The following GULP1 variants were observed in gnomAD, a reference collection of about 807,000 sequenced individuals.
GULP1 encodes the protein PTB domain-containing engulfment adapter protein 1.
GULP1 carries 19 observed loss-of-function variants against 40.9 expected under a neutral mutation model. The ratio of observed to expected loss-of-function variants is 0.46; its 90% CI spans 0.32 to 0.68. The LOEUF is 0.68. Ranked by LOEUF, GULP1 falls within the 30% of genes least tolerant of loss-of-function variation. The pLI, the probability that GULP1 is intolerant of heterozygous loss-of-function variation, is 0.03. For missense variants in GULP1, 312 were observed against 362.2 expected, an observed-to-expected ratio of 0.86 and a Z score of 1.12; for synonymous variants, 119 against 117.6, an observed-to-expected ratio of 1.01 and a Z score of -0.08.
intron 2 of GULP1, among the ~76,000 whole-genome samples, chr2:188,410,157 A>C (rs2053673880): frequency 6.6e-6 from 1 of 152,194 alleles, no homozygotes; most frequent in East Asian, 1.9e-4. Context: ...GAAGAATGAA[A>C]TTAGACTGTC....
At chr2:188,526,342 C>T (rs1355992680) in intron 5 of GULP1, among the ~76,000 whole-genome samples, 1 of 151,934 alleles carries the variant, frequency 6.6e-6, no homozygotes, top group South Asian at 2.1e-4. Context: ...AATGGCAGAT[C>T]ACTGTATCCA....
At chr2:188,542,385 T>G (rs1690749056) in intron 7 of GULP1, among the ~76,000 whole-genome samples, 1 of 152,218 alleles carries the variant, frequency 6.6e-6, no homozygotes, top group Non-Finnish European at 1.5e-5. Flanking sequence ...GTTTCAGTAT[T>G]GAGCTTCTTG....
chr2:188,591,723 TATC>T (rs1362136374), intron 11 of GULP1: 12 of 151,694 alleles, frequency 7.9e-5, no homozygotes, highest in South Asian at 2.1e-4. Context: ...ATATTCATAT[TATC>T]ATTAAAATCA....
chr2:188,469,468 G>A (rs537189457), intron 2 of GULP1, among the ~76,000 whole-genome samples: 52 of 152,256 alleles, frequency 3.4e-4, no homozygotes, highest in African/African-American at 8.7e-4. Context: ...ACTGGCTCAC[G>A]GTTCTGCAGG....
chr2:188,398,076 CAT>C (rs59547666), intron 2 of GULP1, among the ~76,000 whole-genome samples: 3,592 of 152,262 alleles, frequency 0.024, 153 homozygotes, highest in African/African-American at 0.082. Context: ...AGTCCAAAGA[CAT>C]GTGTATTTAA....
chr2:188,567,497 A>G (rs1323647862), intron 7 of GULP1, among the ~76,000 whole-genome samples: 1 of 152,218 alleles, frequency 6.6e-6, no homozygotes, highest in African/African-American at 2.4e-5. Flanking sequence ...AGGGACATGG[A>G]TGAAGCTGGA....
Position 188,544,856 on chromosome 2 carries a change from A to G in GULP1, c.399+3538A>G, listed in dbSNP as rs574184841. 2.6e-5 allele frequency among the ~76,000 whole-genome samples: 4 copies of G among 152,164 alleles called. No homozygotes were observed. In the South Asian group the frequency reaches 8.3e-4, roughly 32 times the overall value. Reference sequence around the variant, plus strand: ...AGTTGAAAACTTTCCCGATTTGACAAAGGACATCAACCTATAGATCTAAAA... The same window carrying G: ...AGTTGAAAACTTTCCCGATTTGACAGAGGACATCAACCTATAGATCTAAAA... On this transcript the variant is annotated intron_variant, in intron 7 of 11. Coordinates refer to ENST00000409830, the MANE Select transcript of GULP1 (RefSeq NM_016315.4).
rs373275667 is a variant in GULP1 at position 188,328,815 on chromosome 2, A to T, written c.-172+36649A>T. On this transcript the variant is annotated intron_variant, in intron 1 of 11. Coordinates refer to ENST00000409830, the MANE Select transcript of GULP1 (RefSeq NM_016315.4). ...GATGGAGTGTCCTATGAGAGGCCTT[A>T]CTTGGTTTATTCATGATGAATATGA... 2.2e-4 allele frequency among the ~76,000 whole-genome samples: 33 copies of T among 152,238 alleles called. 1 individual carries two copies. Among genetic ancestry groups the T allele is most frequent in the African/African-American group, 7.9e-4 (33 of 41,566 alleles).
intron 1 of GULP1, among the ~76,000 whole-genome samples, chr2:188,356,829 C>G (rs1051583828): frequency 1.3e-5 from 2 of 151,954 alleles, no homozygotes; most frequent in Non-Finnish European, 2.9e-5. Flanking sequence ...TGCTGGTAAG[C>G]CAAACAGCAT....
chr2:188,541,430 C>CA, intron 7 of GULP1, 112 bp downstream of exon 7: 1 of 925,754 alleles, frequency 1.1e-6, no homozygotes. Context: ...GTAAATTATT[C>CA]TGTAAAAAGT....
intron 1 of GULP1, among the ~76,000 whole-genome samples, chr2:188,382,688 C>T (rs2049148524): frequency 6.6e-6 from 1 of 152,126 alleles, no homozygotes; most frequent in Non-Finnish European, 1.5e-5. Context: ...GGGTTCGAGA[C>T]CAGTCTGGCC....
chr2:188,440,801 T>C (rs937083016), intron 2 of GULP1, among the ~76,000 whole-genome samples: 1 of 152,218 alleles, frequency 6.6e-6, no homozygotes, highest in African/African-American at 2.4e-5. Context: ...CTCAATACTT[T>C]ACTATGTGGA....
intron 4 of GULP1, among the ~76,000 whole-genome samples, chr2:188,497,272 A>AT (rs2062989076): frequency 6.6e-6 from 1 of 151,994 alleles, no homozygotes; most frequent in African/African-American, 2.4e-5. Flanking sequence ...TATTTAGTAA[A>AT]TTTCATAAGT....
intron 2 of GULP1, among the ~76,000 whole-genome samples, chr2:188,401,297 G>A (rs1559197457): frequency 6.6e-6 from 1 of 152,052 alleles, no homozygotes; most frequent in Non-Finnish European, 1.5e-5. Flanking sequence ...GGACACAGCT[G>A]TATCTATAGT....
intron 8 of GULP1, 163 bp downstream of exon 8, chr2:188,569,518 GCA>G (rs1698569895): frequency 5.0e-6 from 3 of 605,826 alleles, no homozygotes; most frequent in Admixed American, 3.0e-5. Flanking sequence ...CTGATCCCCT[GCA>G]CAGTTTTTTT....
chr2:188,514,082 T>TGTGTGTGTGTGTGTGTGTGTGTGTGTGC (rs766246317), intron 4 of GULP1, among the ~76,000 whole-genome samples: 1 of 149,254 alleles, frequency 6.7e-6, no homozygotes, highest in Non-Finnish European at 1.5e-5. Context: ...TGTGTGTGTG[T>TGTGTGTGTGTGTGTGTGTGTGTGTGTGC]GCGCCCTGCC....
At chr2:188,524,256 GAT>G (rs1453030639) in intron 5 of GULP1, among the ~76,000 whole-genome samples, 1 of 152,100 alleles carries the variant, frequency 6.6e-6, no homozygotes, top group Non-Finnish European at 1.5e-5. Context: ...CAAATGTAAA[GAT>G]ATATTTGAAA....
chr2:188,546,584 T>C (rs1692028065), intron 7 of GULP1, among the ~76,000 whole-genome samples: 1 of 152,020 alleles, frequency 6.6e-6, no homozygotes, highest in Non-Finnish European at 1.5e-5. Context: ...AAGAAATCTG[T>C]AACTAATTTA....
At chr2:188,438,391 TA>T (rs1197544148) in intron 2 of GULP1, among the ~76,000 whole-genome samples, 2 of 150,784 alleles carry the variant, frequency 1.3e-5, no homozygotes, top group African/African-American at 2.4e-5. Context: ...ATATATTATG[TA>T]TGATACATTA....
Sources: gnomAD v4.1 joint callset for allele counts (sites outside exome capture counted in the v4.1 genomes callset) on GRCh38, gnomAD v4.1.1 for gene constraint, MANE v1.5 for transcripts, NCBI Gene and HGNC (gene_info 2026-07-23, HGNC 2026-07-21) for gene names.